NCAM2: variants seen among roughly 807,000 people sequenced by gnomAD.
NCAM2 encodes N-CAM-2.
NCAM2 carries 30 observed loss-of-function variants against 98.1 expected under a neutral mutation model. That is an observed-to-expected ratio of 0.31 (90% CI 0.23 to 0.41). NCAM2 has a LOEUF of 0.41. Among genes scored for constraint, NCAM2 ranks in the 10% least tolerant of loss-of-function variants. NCAM2 has a pLI of 1.00. For synonymous variants in NCAM2, 368 were observed against 342.4 expected (o/e 1.07, Z -0.83); for missense variants, 867 against 1,005.8 (o/e 0.86, Z 1.87).
chr21:21,001,321 T>C (rs1010448711), intron 1 of NCAM2, among the ~76,000 whole-genome samples: 2 of 152,194 alleles, frequency 1.3e-5, no homozygotes, highest in African/African-American at 4.8e-5. Flanking sequence ...GCAGAAATAC[T>C]CCTTTAAAAG....
chr21:21,111,018 A>ATT (rs2066443958), intron 1 of NCAM2, among the ~76,000 whole-genome samples: 1 of 151,894 alleles, frequency 6.6e-6, no homozygotes, highest in African/African-American at 2.4e-5. Context: ...CAGGAAAAGT[A>ATT]TATTTGTTGT....
intron 8 of NCAM2, among the ~76,000 whole-genome samples, chr21:21,338,799 TTTGTTATACG>T (rs1362214633): frequency 1.3e-5 from 2 of 152,132 alleles, no homozygotes; most frequent in African/African-American, 4.8e-5. Context: ...TAACTAGACT[TTTGTTATACG>T]TTGAATCTAT....
intron 1 of NCAM2, among the ~76,000 whole-genome samples, chr21:21,193,528 G>A (rs1248591510): frequency 7.6e-6 from 1 of 131,746 alleles, no homozygotes; most frequent in African/African-American, 2.9e-5. Context: ...ACGGAGTCTC[G>A]CTCTGTCGCC....
chr21:21,476,083 C>T (rs1460650468), intron 14 of NCAM2, among the ~76,000 whole-genome samples: 1 of 152,030 alleles, frequency 6.6e-6, no homozygotes, highest in Non-Finnish European at 1.5e-5. Context: ...ATGGAGAATA[C>T]ATCGTTATTC....
intron 5 of NCAM2, among the ~76,000 whole-genome samples, chr21:21,301,440 T>C (rs1338372888): frequency 2.0e-5 from 3 of 148,636 alleles, no homozygotes; most frequent in Non-Finnish European, 3.0e-5. Flanking sequence ...ATTGTGCAGG[T>C]TAGTTACATA....
At chr21:21,261,142 C>T (rs2071883429) in intron 1 of NCAM2, among the ~76,000 whole-genome samples, 1 of 151,880 alleles carries the variant, frequency 6.6e-6, no homozygotes, top group Non-Finnish European at 1.5e-5. Flanking sequence ...TTCAATTCAA[C>T]AAGAAGATTT....
intron 5 of NCAM2, among the ~76,000 whole-genome samples, chr21:21,322,293 G>T (rs564158348): frequency 6.6e-6 from 1 of 152,102 alleles, no homozygotes; most frequent in Non-Finnish European, 1.5e-5. Context: ...AGACACTGAG[G>T]ACTACTAGAG....
intron 16 of NCAM2, among the ~76,000 whole-genome samples, chr21:21,513,104 A>ACATC (rs1988496010): frequency 6.6e-6 from 1 of 152,090 alleles, no homozygotes; most frequent in African/African-American, 2.4e-5. Flanking sequence ...CCTGGCTAGG[A>ACATC]CATCCAGTAC....
chr21:21,442,189 G>A lies in NCAM2; in HGVS notation c.1654+9908G>A, dbSNP rs189656782. 4.6e-5 allele frequency among the ~76,000 whole-genome samples: 7 copies of A among 152,180 alleles called. No homozygotes were observed. In the East Asian group the frequency reaches 1.4e-3, roughly 29 times the overall value. On this transcript the variant is annotated intron_variant, in intron 12 of 17. Coordinates refer to ENST00000400546, the MANE Select transcript of NCAM2 (RefSeq NM_004540.5). ...CTAGGATCACTCTAGCTACTATCTT[G>A]AGGAAAGAGTGCAATAAGGCGGAAC...
At chr21:21,237,794 G>A (rs914444382) in intron 1 of NCAM2, among the ~76,000 whole-genome samples, 1 of 151,716 alleles carries the variant, frequency 6.6e-6, no homozygotes, top group African/African-American at 2.4e-5. Flanking sequence ...TATAGTTATG[G>A]TTTCAGTGGA....
At chr21:21,115,236 A>G (rs1184487684) in intron 1 of NCAM2, among the ~76,000 whole-genome samples, 6 of 152,202 alleles carry the variant, frequency 3.9e-5, no homozygotes, top group African/African-American at 1.2e-4. Flanking sequence ...GCTAGTAAGT[A>G]GCATAAAAGA....
rs371712887 is a variant in NCAM2, at chr21:20,998,547, G to A, written c.-17G>A. 9.8e-5 allele frequency: 158 copies of A among 1,613,116 alleles called. No homozygotes were observed. The highest frequency in any genetic ancestry group is 1.3e-4 in the Non-Finnish European group (155 of 1,179,314). On this transcript the variant is annotated 5_prime_UTR_variant, in exon 1 of 18. Transcript: ENST00000400546. ...CTTAATAACTTTGAAACTGTCCACCGGTGTCACGTCCTGAACATGAGCCTC... is the reference window on the plus strand; with the variant it reads ...CTTAATAACTTTGAAACTGTCCACCAGTGTCACGTCCTGAACATGAGCCTC...
At chr21:21,331,534 T>TATATATATATATAC (rs1388107613) in intron 6 of NCAM2, among the ~76,000 whole-genome samples, 3 of 10,918 alleles carry the variant, frequency 2.7e-4, no homozygotes, top group African/African-American at 4.4e-4. Flanking sequence ...TATATATATA[T>TATATATATATATAC]ACTCTATATA....
At chr21:21,332,348 C>T (rs916120219) in intron 6 of NCAM2, among the ~76,000 whole-genome samples, 6 of 152,120 alleles carry the variant, frequency 3.9e-5, no homozygotes, top group East Asian at 3.9e-4. Context: ...TCCATTTAGG[C>T]TCTTTTAGGT....
At chr21:21,181,119 T>G (rs556807152) in intron 1 of NCAM2, among the ~76,000 whole-genome samples, 2 of 152,248 alleles carry the variant, frequency 1.3e-5, no homozygotes, top group South Asian at 4.2e-4. Flanking sequence ...TTCGATTACA[T>G]TTTTAAAAAT....
intron 1 of NCAM2, among the ~76,000 whole-genome samples, chr21:21,146,754 T>C (rs1322497010): frequency 6.6e-6 from 1 of 152,086 alleles, no homozygotes; most frequent in Non-Finnish European, 1.5e-5. Context: ...GGTTTTAAAT[T>C]TTCCTTGGAT....
intron 1 of NCAM2, among the ~76,000 whole-genome samples, chr21:21,130,827 A>AT (rs1569056205): frequency 6.6e-6 from 1 of 151,888 alleles, no homozygotes; most frequent in African/African-American, 2.4e-5. Flanking sequence ...ATGGCAAAAC[A>AT]TATGTCCAAA....
At chr21:21,423,376 C>A (rs981230834) in intron 11 of NCAM2, among the ~76,000 whole-genome samples, 1 of 152,146 alleles carries the variant, frequency 6.6e-6, no homozygotes, top group African/African-American at 2.4e-5. Flanking sequence ...AAGTACTCAA[C>A]AAATATTAGG....
intron 6 of NCAM2, among the ~76,000 whole-genome samples, chr21:21,326,037 TA>T (rs1202825812): frequency 6.6e-6 from 1 of 152,190 alleles, no homozygotes; most frequent in African/African-American, 2.4e-5. Flanking sequence ...CTATAAAATG[TA>T]AACTGTTCTG....
Sources: allele counts gnomAD v4.1 joint callset (sites outside exome capture counted in the v4.1 genomes callset), GRCh38; gene constraint gnomAD v4.1.1; transcripts MANE v1.5; gene names NCBI Gene and HGNC (gene_info 2026-07-23, HGNC 2026-07-21).